Variants in TMEM45A observed in about 807,000 individuals in gnomAD.
TMEM45A encodes transmembrane protein 45A.
In TMEM45A, 25 loss-of-function variants were observed where a neutral mutation model predicts 32.0. The ratio of observed to expected loss-of-function variants is 0.78; its 90% CI spans 0.57 to 1.09. The LOEUF (loss-of-function observed/expected upper bound fraction) is 1.09, where lower values mean the gene tolerates loss of function less well. Ranked by LOEUF, TMEM45A falls within the 50% of genes least tolerant of loss-of-function variation. The probability of loss-of-function intolerance (pLI) is 0.00; values close to 1 mark genes in which losing one functional copy is unlikely to be tolerated. For synonymous variants in TMEM45A, 122 were observed against 114.8 expected (o/e 1.06, Z -0.40); for missense variants, 302 against 325.0 (o/e 0.93, Z 0.54).
intron 1 of TMEM45A, among the ~76,000 whole-genome samples, chr3:100,524,296 T>G (rs1473769441): frequency 6.6e-6 from 1 of 152,246 alleles, no homozygotes; most frequent in Non-Finnish European, 1.5e-5. Flanking sequence ...TTTATAAACG[T>G]GGTTCTCATA....
intron 1 of TMEM45A, among the ~76,000 whole-genome samples, chr3:100,494,486 G>A (rs1312366131): frequency 6.6e-6 from 1 of 152,104 alleles, no homozygotes; most frequent in African/African-American, 2.4e-5. Context: ...GCTGGGTGTG[G>A]TGGTGCGCAC....
intron 1 of TMEM45A, among the ~76,000 whole-genome samples, chr3:100,507,108 C>T (rs1708089563): frequency 6.6e-6 from 1 of 152,156 alleles, no homozygotes; most frequent in Non-Finnish European, 1.5e-5. Context: ...CTGGGATGTA[C>T]ATTCTTCCTC....
rs537026321 is a variant in TMEM45A, at chr3:100,508,217, G to A, written c.-4+15289G>A. ...TGAGACTAGTATAGGAAACTTCCTG[G>A]AGCCCACACGATGGCATTGTCTCAG... On this transcript the variant is annotated intron_variant, in intron 1 of 5. Coordinates refer to ENST00000323523, the MANE Select transcript of TMEM45A (RefSeq NM_018004.3). Among the ~76,000 whole-genome samples the A allele has an allele frequency of 5.3e-5, 8 of 152,152 alleles. No homozygotes were observed. The South Asian group carries it at 1.7e-3, about 32-fold the overall frequency.
At chr3:100,512,907 C>T (rs1194752609) in intron 1 of TMEM45A, among the ~76,000 whole-genome samples, 5 of 152,044 alleles carry the variant, frequency 3.3e-5, no homozygotes, top group South Asian at 2.1e-4. Flanking sequence ...CACATACACT[C>T]TCCCAAGACT....
chr3:100,559,475 C>T (rs1346564531), intron 4 of TMEM45A, among the ~76,000 whole-genome samples: 1 of 152,000 alleles, frequency 6.6e-6, no homozygotes, highest in African/African-American at 2.4e-5. Flanking sequence ...TGTAAGAAAG[C>T]GGAAAGGCTG....
chr3:100,545,991 A>G (rs753791306), intron 1 of TMEM45A, among the ~76,000 whole-genome samples: 1 of 152,234 alleles, frequency 6.6e-6, no homozygotes, highest in Non-Finnish European at 1.5e-5. Flanking sequence ...GTCTAATCAC[A>G]TGAGTTCTCA....
intron 1 of TMEM45A, among the ~76,000 whole-genome samples, chr3:100,533,317 G>A (rs937927000): frequency 6.6e-6 from 1 of 152,036 alleles, no homozygotes; most frequent in Non-Finnish European, 1.5e-5. Context: ...ATCAGATACC[G>A]TGCATATTTT....
At chr3:100,507,013 G>A (rs1311122866) in intron 1 of TMEM45A, among the ~76,000 whole-genome samples, 1 of 152,214 alleles carries the variant, frequency 6.6e-6, no homozygotes, top group Non-Finnish European at 1.5e-5. Flanking sequence ...GGCAGAAGTT[G>A]GAGGCTGGGT....
intron 1 of TMEM45A, among the ~76,000 whole-genome samples, chr3:100,533,697 C>T (rs1162263063): frequency 2.0e-5 from 3 of 152,054 alleles, no homozygotes; most frequent in Non-Finnish European, 4.4e-5. Flanking sequence ...AAGAAGACAC[C>T]CCTCTGGAGA....
chr3:100,574,387 C>A (rs1706638322), intron 5 of TMEM45A: 1 of 152,170 alleles, frequency 6.6e-6, no homozygotes, highest in South Asian at 2.1e-4. Flanking sequence ...TGCAAATAAA[C>A]TAGAAAATCC....
rs541996614 is a variant in TMEM45A, at chr3:100,516,404, G to T, written c.-4+23476G>T. On this transcript the variant is annotated intron_variant, in intron 1 of 5. Transcript: ENST00000323523. Reference sequence around the variant, plus strand: ...AGAGGTGGGGTGAATTGATGAAACTGCTTCTGTGCCCTGATAAGTGGCTGT... The same window carrying T: ...AGAGGTGGGGTGAATTGATGAAACTTCTTCTGTGCCCTGATAAGTGGCTGT... 1.9e-4 allele frequency among the ~76,000 whole-genome samples: 29 copies of T among 152,340 alleles called. No individual in the cohort carries two copies. In the South Asian group the frequency reaches 5.8e-3, roughly 31 times the overall value.
rs112642776 is a variant in TMEM45A, at chr3:100,569,093, A to G, written c.734+126A>G. 1,041 of 964,060 alleles carry G rather than the reference A, an allele frequency of 1.1e-3. 9 individuals are homozygous for G. In the African/African-American group the frequency reaches 0.016, roughly 14 times the overall value. 59.7% of individuals were successfully genotyped at this position (964,060 alleles called of 1,614,324 possible). On this transcript the variant is annotated intron_variant, in intron 5 of 5. Transcript: ENST00000323523. ...TTATCATCCCATAAGACAGGGTAGC[A>G]TAGCAGAACATTATCTGCAAACACA...
chr3:100,574,646 A>G (rs1706644305), intron 5 of TMEM45A: 1 of 152,218 alleles, frequency 6.6e-6, no homozygotes, highest in Non-Finnish European at 1.5e-5. Flanking sequence ...GATGTTCACT[A>G]TTAGGTCATG....
intron 1 of TMEM45A, among the ~76,000 whole-genome samples, chr3:100,533,301 G>A (rs2148958621): frequency 1.3e-5 from 2 of 152,224 alleles, no homozygotes; most frequent in South Asian, 4.1e-4. Context: ...TAGGTTCTGG[G>A]TTGGGATCAG....
At chr3:100,493,844 G>A (rs1207286695) in intron 1 of TMEM45A, among the ~76,000 whole-genome samples, 1 of 152,072 alleles carries the variant, frequency 6.6e-6, no homozygotes, top group Non-Finnish European at 1.5e-5. Context: ...TGATTCTCCT[G>A]ACTCAGCCTC....
At chr3:100,514,045 T>C (rs1384855935) in intron 1 of TMEM45A, among the ~76,000 whole-genome samples, 1 of 152,196 alleles carries the variant, frequency 6.6e-6, no homozygotes, top group African/African-American at 2.4e-5. Flanking sequence ...AAAATGGCCA[T>C]ACTGCCCAAG....
intron 1 of TMEM45A, among the ~76,000 whole-genome samples, chr3:100,523,933 C>A (rs1156864234): frequency 6.6e-6 from 1 of 152,202 alleles, no homozygotes; most frequent in Non-Finnish European, 1.5e-5. Flanking sequence ...GAGAGCGGAA[C>A]TTCAAGTGCC....
Position 100,536,908 on chromosome 3 carries a change from T to C in TMEM45A, c.-3-18301T>C, listed in dbSNP as rs548066177. ...ATCATATTTGTTTGTATTTTGGCAG[T>C]AGGGGGAAGGAGGAAGTGGGGATTT... On this transcript the variant is annotated intron_variant, in intron 1 of 5. Coordinates refer to ENST00000323523, the MANE Select transcript of TMEM45A (RefSeq NM_018004.3). Among the ~76,000 whole-genome samples, 5 of 152,284 alleles carry C rather than the reference T, an allele frequency of 3.3e-5. No individual in the cohort carries two copies. In the East Asian group the frequency reaches 9.7e-4, roughly 29 times the overall value.
chr3:100,568,457 T>C (rs978062677), intron 4 of TMEM45A, among the ~76,000 whole-genome samples: 5 of 152,334 alleles, frequency 3.3e-5, no homozygotes, highest in Non-Finnish European at 2.9e-5. Flanking sequence ...TTAAATATAA[T>C]GTTAACTGTG....
Sources: gnomAD v4.1 joint callset for allele counts (sites outside exome capture counted in the v4.1 genomes callset) on GRCh38, gnomAD v4.1.1 for gene constraint, MANE v1.5 for transcripts, NCBI Gene and HGNC (gene_info 2026-07-23, HGNC 2026-07-21) for gene names.